The following PLXDC2 variants were observed in gnomAD, a reference collection of about 807,000 sequenced individuals.
PLXDC2 encodes plexin domain containing 2.
Under a neutral mutation model 68.9 loss-of-function variants are expected in PLXDC2, and 40 were observed. That is an observed-to-expected ratio of 0.58 (90% CI 0.45 to 0.76). The LOEUF is 0.76. PLXDC2 is among the 30% of genes least tolerant of loss of function. The probability of loss-of-function intolerance (pLI) is 0.00; values close to 1 mark genes in which losing one functional copy is unlikely to be tolerated. For missense variants in PLXDC2, 644 were observed against 661.9 expected (o/e 0.97, Z 0.30); for synonymous variants, 243 against 234.2 (o/e 1.04, Z -0.34).
chr10:19,907,715 TG>T (rs1311203598), intron 1 of PLXDC2, among the ~76,000 whole-genome samples: 2 of 152,222 alleles, frequency 1.3e-5, no homozygotes, highest in East Asian at 3.8e-4. Flanking sequence ...GCTCTTCAAA[TG>T]CTTTTCTTGT....
intron 9 of PLXDC2, among the ~76,000 whole-genome samples, chr10:20,206,526 G>A (rs1014995129): frequency 6.6e-6 from 1 of 152,132 alleles, no homozygotes; most frequent in East Asian, 1.9e-4. Context: ...AGCACCTTCG[G>A]GGAAGGGAAA....
chr10:19,847,700 T>C (rs752995502), intron 1 of PLXDC2, among the ~76,000 whole-genome samples: 1 of 152,222 alleles, frequency 6.6e-6, no homozygotes, highest in Non-Finnish European at 1.5e-5. Flanking sequence ...ATACTTGTCA[T>C]AGCTAACATA....
intron 13 of PLXDC2, among the ~76,000 whole-genome samples, chr10:20,275,828 G>A (rs750020913): frequency 2.6e-5 from 4 of 152,076 alleles, no homozygotes; most frequent in Non-Finnish European, 4.4e-5. Flanking sequence ...TGTGAGAATC[G>A]CTTTAATCCA....
intron 3 of PLXDC2, among the ~76,000 whole-genome samples, chr10:20,060,174 AG>A (rs1395666610): frequency 1.3e-5 from 2 of 152,104 alleles, no homozygotes; most frequent in African/African-American, 4.8e-5. Context: ...CTGGGATTGC[AG>A]GCCAACATGC....
intron 3 of PLXDC2, among the ~76,000 whole-genome samples, chr10:20,064,958 T>C (rs60996684): frequency 0.35 from 53,467 of 151,858 alleles, 11,046 homozygotes; most frequent in East Asian, 0.7. Flanking sequence ...GAGGCCCAAC[T>C]GGCTATAATG....
At chr10:19,818,023 G>T (rs1398724775) in intron 1 of PLXDC2, among the ~76,000 whole-genome samples, 2 of 152,150 alleles carry the variant, frequency 1.3e-5, no homozygotes, top group African/African-American at 4.8e-5. Flanking sequence ...CCGCGAACTG[G>T]GTGCCTACTC....
chr10:20,268,385 A>C (rs1448999709), intron 13 of PLXDC2, among the ~76,000 whole-genome samples: 1 of 152,140 alleles, frequency 6.6e-6, no homozygotes, highest in East Asian at 1.9e-4. Flanking sequence ...AAAACTTTTA[A>C]TTTTATTTCA....
intron 1 of PLXDC2, among the ~76,000 whole-genome samples, chr10:19,836,298 C>T (rs546414787): frequency 1.8e-4 from 28 of 152,154 alleles, no homozygotes; most frequent in African/African-American, 6.7e-4. Context: ...CATTTATAGG[C>T]ATGGGGGAAG....
intron 4 of PLXDC2, among the ~76,000 whole-genome samples, chr10:20,123,088 A>C (rs1164776643): frequency 6.6e-6 from 1 of 152,084 alleles, no homozygotes; most frequent in Non-Finnish European, 1.5e-5. Context: ...CAGGTGGGGG[A>C]GGGCTAGTCA....
At chr10:20,181,371 A>G (rs186621909) in intron 9 of PLXDC2, among the ~76,000 whole-genome samples, 38 of 152,212 alleles carry the variant, frequency 2.5e-4, no homozygotes, top group African/African-American at 7.5e-4. Context: ...AATCAAAACC[A>G]TAACTCTCAT....
chr10:19,830,245 A>G (rs1011427644), intron 1 of PLXDC2, among the ~76,000 whole-genome samples: 5 of 152,314 alleles, frequency 3.3e-5, no homozygotes, highest in African/African-American at 1.2e-4. Flanking sequence ...ATCACTTGGT[A>G]GCCTTTTAAA....
At chr10:20,247,478 G>GAAA (rs11460480) in intron 13 of PLXDC2, among the ~76,000 whole-genome samples, 1 of 148,670 alleles carries the variant, frequency 6.7e-6, no homozygotes, top group African/African-American at 2.5e-5. Context: ...CCTGGTCTAG[G>GAAA]AAAAAAAAAA....
intron 3 of PLXDC2, among the ~76,000 whole-genome samples, chr10:20,049,424 C>T (rs1835853952): frequency 6.6e-6 from 1 of 152,068 alleles, no homozygotes; most frequent in African/African-American, 2.4e-5. Context: ...AAAACTATCC[C>T]TGTTTTCAGA....
At chr10:20,002,161 T>G (rs540138811) in intron 2 of PLXDC2, among the ~76,000 whole-genome samples, 175 bp downstream of exon 2, 54 of 152,306 alleles carry the variant, frequency 3.5e-4, no homozygotes, top group African/African-American at 1.3e-3. Flanking sequence ...TACCATCCAT[T>G]AATTCATTTA....
chr10:20,128,464 C>A (rs974058284), intron 4 of PLXDC2, among the ~76,000 whole-genome samples: 19 of 152,230 alleles, frequency 1.2e-4, no homozygotes, highest in African/African-American at 3.4e-4. Flanking sequence ...CCGCTATAAG[C>A]TTGATTAATA....
At chr10:20,062,076 T>C (rs1272828463) in intron 3 of PLXDC2, among the ~76,000 whole-genome samples, 3 of 152,234 alleles carry the variant, frequency 2.0e-5, no homozygotes, top group Non-Finnish European at 4.4e-5. Context: ...ATCCTTATGA[T>C]AATCTTTCGA....
intron 1 of PLXDC2, among the ~76,000 whole-genome samples, chr10:19,890,683 T>C (rs1025646693): frequency 1.4e-5 from 2 of 143,798 alleles, no homozygotes; most frequent in Admixed American, 6.9e-5. Flanking sequence ...CTGCTTTTTT[T>C]TTTTTTTTTT....
chr10:20,121,599 G>A (rs1232354784), intron 4 of PLXDC2, among the ~76,000 whole-genome samples: 1 of 152,224 alleles, frequency 6.6e-6, no homozygotes, highest in Non-Finnish European at 1.5e-5. Context: ...TGAAAGCGAA[G>A]AGAGGCTGGG....
chr10:20,211,838 G>A lies in PLXDC2; in HGVS notation c.1122+109G>A, dbSNP rs1009638704. The A allele has an allele frequency of 2.8e-5, 29 of 1,018,818 alleles. No individual in the cohort carries two copies. In the East Asian group the frequency reaches 3.7e-4, roughly 13 times the overall value. The allele number at this position is 1,018,818 out of a possible 1,614,324, so 63.1% of individuals were successfully genotyped here. On this transcript the variant is annotated intron_variant, in intron 10 of 13. Transcript: ENST00000377252. ...TTTATGCCCTAAAACTTAATGAAAG[G>A]AGAAGAATCCTTCTATAAGCCCAAT...
Sources: gnomAD v4.1 joint callset for allele counts (sites outside exome capture counted in the v4.1 genomes callset) on GRCh38, gnomAD v4.1.1 for gene constraint, MANE v1.5 for transcripts, NCBI Gene and HGNC (gene_info 2026-07-23, HGNC 2026-07-21) for gene names.